Variants in PCDH9 observed in about 807,000 individuals in gnomAD.
PCDH9 encodes protocadherin-9.
In PCDH9, 24 loss-of-function variants were observed where a neutral mutation model predicts 70.6. The ratio of observed to expected loss-of-function variants is 0.34; its 90% confidence interval spans 0.25 to 0.48. The LOEUF is 0.48. Ranked by LOEUF, PCDH9 falls within the 20% of genes least tolerant of loss-of-function variation. PCDH9 has a pLI of 0.99. For missense variants in PCDH9, 1,281 were observed against 1,503.6 expected (o/e 0.85, Z 2.45); for synonymous variants, 562 against 558.5 (o/e 1.01, Z -0.09).
At chr13:66,365,755 C>A (rs930959301) in intron 4 of PCDH9, among the ~76,000 whole-genome samples, 1 of 152,088 alleles carries the variant, frequency 6.6e-6, no homozygotes, top group Non-Finnish European at 1.5e-5. Context: ...CACATTTTGT[C>A]TTTAAACCCC....
chr13:67,125,537 T>C (rs2086960379), intron 2 of PCDH9, among the ~76,000 whole-genome samples: 1 of 152,162 alleles, frequency 6.6e-6, no homozygotes, highest in Non-Finnish European at 1.5e-5. Context: ...GAACATGGTG[T>C]ACATGCAAAA....
intron 3 of PCDH9, among the ~76,000 whole-genome samples, chr13:66,845,023 T>C (rs1209269171): frequency 6.6e-6 from 1 of 152,038 alleles, no homozygotes; most frequent in Non-Finnish European, 1.5e-5. Context: ...GGGAAAAGTG[T>C]ATGCTGACTC....
At chr13:67,130,599 C>A (rs1295798564) in intron 2 of PCDH9, among the ~76,000 whole-genome samples, 1 of 151,978 alleles carries the variant, frequency 6.6e-6, no homozygotes, top group African/African-American at 2.4e-5. Context: ...AAAGAACCAT[C>A]CCTATTATAT....
At chr13:66,309,150 G>C (rs564955641) in intron 4 of PCDH9, among the ~76,000 whole-genome samples, 1 of 151,884 alleles carries the variant, frequency 6.6e-6, no homozygotes, top group East Asian at 1.9e-4. Context: ...TTGTTTCTTT[G>C]GGTCTCTATG....
intron 4 of PCDH9, among the ~76,000 whole-genome samples, chr13:66,586,773 T>C (rs1313754215): frequency 6.6e-6 from 1 of 152,078 alleles, no homozygotes; most frequent in Non-Finnish European, 1.5e-5. Context: ...CACAATATGC[T>C]CATGACTTAA....
intron 2 of PCDH9, among the ~76,000 whole-genome samples, chr13:66,968,913 T>G (rs531686116): frequency 8.1e-4 from 123 of 152,136 alleles, no homozygotes; most frequent in Non-Finnish European, 4.3e-4. Context: ...TAAGGAGAGC[T>G]AGAATTCCAG....
chr13:67,227,428 G>A lies in PCDH9; in HGVS notation c.1013C>T (p.Thr338Ile). The stretch of plus-strand genomic sequence containing the variant: ...GATGGTAACCGTTGCTCGAGCAGGA[G>A]TGGAGCTGCCGTCACTAGCCAGCAC... Reference protein sequence around the residue: ...VTVLASDGSSTPARATVTINV... With the variant: ...VTVLASDGSSIPARATVTINV... Residue 338 changes from threonine to isoleucine, a missense_variant, in exon 2 of 5, where the codon ACT (threonine) becomes ATT (isoleucine). Thr to Ile is a moderately conservative substitution (Grantham distance 89). Coordinates refer to ENST00000377865, the MANE Select transcript of PCDH9 (RefSeq NM_203487.3). The surrounding 1 kb of genome is among the most constrained non-coding windows in gnomAD (Gnocchi z 4.6). 1 of 1,613,936 alleles carries A rather than the reference G, an allele frequency of 6.2e-7. No homozygotes were observed.
At chr13:66,923,774 G>A (rs552989572) in intron 2 of PCDH9, among the ~76,000 whole-genome samples, 16 of 151,722 alleles carry the variant, frequency 1.1e-4, no homozygotes, top group Admixed American at 6.6e-5. Context: ...TGCACTTTTC[G>A]ATTACTGCTT....
At chr13:66,940,243 T>C (rs1452648993) in intron 2 of PCDH9, among the ~76,000 whole-genome samples, 1 of 152,214 alleles carries the variant, frequency 6.6e-6, no homozygotes, top group African/African-American at 2.4e-5. Flanking sequence ...AAGGCACTTA[T>C]ACAACTGTTT....
intron 2 of PCDH9, among the ~76,000 whole-genome samples, chr13:67,050,490 C>T (rs541749178): frequency 1.3e-5 from 2 of 152,242 alleles, no homozygotes; most frequent in South Asian, 2.1e-4. Flanking sequence ...TCTTGGCATG[C>T]TCATGTTAAT....
intron 2 of PCDH9, among the ~76,000 whole-genome samples, chr13:66,935,552 T>C (rs1467161564): frequency 1.3e-5 from 2 of 152,190 alleles, no homozygotes; most frequent in Non-Finnish European, 2.9e-5. Context: ...GAACAGTTAC[T>C]ATTAATTCTA....
rs183190836 is a variant in PCDH9 at position 67,084,745 on chromosome 13, G to A, written c.3036+140660C>T. Among the ~76,000 whole-genome samples the A allele has an allele frequency of 2.4e-3, 368 of 151,544 alleles. 2 individuals carry two copies. Among genetic ancestry groups the A allele is most frequent in the African/African-American group, 8.3e-3 (342 of 41,300 alleles). Reference sequence around the variant, plus strand: ...TAGCACTTTGGTGGCTGAGGGGGGGGATCACGAGGTCAAGAGATCGAGACC... The same window carrying A: ...TAGCACTTTGGTGGCTGAGGGGGGGAATCACGAGGTCAAGAGATCGAGACC... On this transcript the variant is annotated intron_variant, in intron 2 of 4. Coordinates refer to ENST00000377865, the MANE Select transcript of PCDH9 (RefSeq NM_203487.3).
chr13:67,004,448 G>A (rs1480907193), intron 2 of PCDH9, among the ~76,000 whole-genome samples: 3 of 151,148 alleles, frequency 2.0e-5, no homozygotes, highest in Non-Finnish European at 4.4e-5. Context: ...GTGGGCACCT[G>A]TAGTCCCAGC....
In PCDH9 at chr13:67,172,108, T is replaced by C. The variant is rs115495841; in HGVS notation, c.3036+53297A>G. Among the ~76,000 whole-genome samples the C allele has an allele frequency of 1.9e-3, 293 of 152,346 alleles. 2 individuals carry two copies. Among genetic ancestry groups the C allele is most frequent in the African/African-American group, 6.7e-3 (277 of 41,588 alleles). On this transcript the variant is annotated intron_variant, in intron 2 of 4. Transcript: ENST00000377865. ...TGTTAATCTCTGACCAAAAGAGATA[T>C]GCTCAGTAAACATCAGCTTCTCTTC...
Position 66,603,224 on chromosome 13 carries a change from C to T in PCDH9, c.3340+27986G>A, listed in dbSNP as rs528530888. ...TGACTTAGTGCTAGTTCTGACTATG[C>T]GTACACATTAAACATGTATATATCC... On this transcript the variant is annotated intron_variant, in intron 4 of 4. Transcript: ENST00000377865. Among the ~76,000 whole-genome samples the T allele has an allele frequency of 3.5e-5, 4 of 114,274 alleles. 1 individual carries two copies. The South Asian group carries it at 8.3e-4, about 24-fold the overall frequency. 75.0% of individuals were successfully genotyped at this position (114,274 alleles called of 152,430 possible). A position where few individuals can be genotyped will look rare whatever the true frequency, so the allele number is the denominator to read the frequency against.
intron 2 of PCDH9, chr13:67,214,418 G>C (rs2089542815): frequency 6.6e-6 from 1 of 152,132 alleles, no homozygotes; most frequent in Non-Finnish European, 1.5e-5. Flanking sequence ...GTTAAGTACT[G>C]ACTGTGAAAC....
intron 3 of PCDH9, among the ~76,000 whole-genome samples, chr13:66,773,751 A>G (rs1465435550): frequency 6.6e-6 from 1 of 151,836 alleles, no homozygotes; most frequent in African/African-American, 2.4e-5. Flanking sequence ...TGGTCTGAAT[A>G]ATTGTCCCTG....
intron 2 of PCDH9, among the ~76,000 whole-genome samples, chr13:67,142,646 A>G (rs1193976497): frequency 1.3e-5 from 2 of 152,176 alleles, no homozygotes; most frequent in African/African-American, 2.4e-5. Context: ...GAAAGAATAA[A>G]TGAATTCAAA....
chr13:66,438,648 C>T (rs1218497180), intron 4 of PCDH9, among the ~76,000 whole-genome samples: 1 of 152,204 alleles, frequency 6.6e-6, no homozygotes, highest in African/African-American at 2.4e-5. Context: ...TTATTCATCA[C>T]TGGCAGGCCC....
Sources: allele counts gnomAD v4.1 joint callset (sites outside exome capture counted in the v4.1 genomes callset), GRCh38; gene constraint gnomAD v4.1.1; non-coding constraint Gnocchi (gnomAD v3.1); transcripts MANE v1.5; gene names NCBI Gene and HGNC (gene_info 2026-07-23, HGNC 2026-07-21).